DENND11: variants seen among roughly 807,000 people sequenced by gnomAD.
DENND11 encodes DENN domain-containing protein 11.
In DENND11, 34 loss-of-function variants were observed where a neutral mutation model predicts 49.2. The ratio of observed to expected loss-of-function variants is 0.69; its 90% CI spans 0.53 to 0.92. The LOEUF is 0.92. Among genes scored for constraint, DENND11 ranks in the 40% least tolerant of loss-of-function variants. The probability of loss-of-function intolerance (pLI) is 0.00; values close to 1 mark genes in which losing one functional copy is unlikely to be tolerated. For synonymous variants in DENND11, 238 were observed against 230.3 expected, an observed-to-expected ratio of 1.03 and a Z score of -0.30; for missense variants, 475 against 581.6, an observed-to-expected ratio of 0.82 and a Z score of 1.88.
intron 1 of DENND11, among the ~76,000 whole-genome samples, chr7:141,688,827 A>G (rs1285097960): frequency 6.6e-6 from 1 of 152,226 alleles, no homozygotes; most frequent in Non-Finnish European, 1.5e-5. Context: ...CTGCTGATGC[A>G]TGCCAGCAAT....
At chr7:141,676,467 A>G (rs1291937973) in intron 3 of DENND11, among the ~76,000 whole-genome samples, 1 of 152,248 alleles carries the variant, frequency 6.6e-6, no homozygotes, top group Non-Finnish European at 1.5e-5. Flanking sequence ...AAAGTTCAGT[A>G]CAAAAGTTAG....
chr7:141,665,381 G>A, intron 5 of DENND11, 63 bp from the exon 6 acceptor site: 1 of 1,596,394 alleles, frequency 6.3e-7, no homozygotes, highest in East Asian at 2.3e-5. Flanking sequence ...CTCCCTCGGA[G>A]CCTGCGGCTC....
At chr7:141,669,244 GTTTTT>G (rs36043478) in intron 4 of DENND11, among the ~76,000 whole-genome samples, 1 of 133,790 alleles carries the variant, frequency 7.5e-6, no homozygotes. Context: ...CTTCTTTAAA[GTTTTT>G]TTTTTTTTTT....
intron 3 of DENND11, among the ~76,000 whole-genome samples, chr7:141,675,643 C>T (rs1484191391): frequency 6.6e-6 from 1 of 152,196 alleles, no homozygotes; most frequent in Non-Finnish European, 1.5e-5. Flanking sequence ...TGGCTTACCC[C>T]AAACTATGAC....
At chr7:141,682,143 G>C (rs796540808) in intron 3 of DENND11, among the ~76,000 whole-genome samples, 3 of 152,198 alleles carry the variant, frequency 2.0e-5, no homozygotes, top group South Asian at 4.1e-4. Context: ...AGGGTAAGAA[G>C]AACCATGCCC....
intron 1 of DENND11, among the ~76,000 whole-genome samples, chr7:141,691,495 C>A (rs558203537): frequency 2.6e-5 from 4 of 152,350 alleles, no homozygotes; most frequent in Admixed American, 6.5e-5. Flanking sequence ...GGTTCTCAAA[C>A]CCTCTTCCTT....
In DENND11 at chr7:141,686,525, G is replaced by A. The variant is rs1379305252; in HGVS notation, c.368+34C>T. The A allele has an allele frequency of 3.7e-6, 5 of 1,350,828 alleles. No homozygotes were observed. In the East Asian group the frequency reaches 1.2e-4, roughly 31 times the overall value. 83.7% of individuals were successfully genotyped at this position (1,350,828 alleles called of 1,614,324 possible). ...GGGAAAGTGTGGAGGTGGGGGGAAT[G>A]GTACGAAGATGACTCCAGTTCAGAA... On this transcript the variant is annotated intron_variant, in intron 2 of 8. Coordinates refer to ENST00000536163, the MANE Select transcript of DENND11 (RefSeq NM_001080392.2).
intron 1 of DENND11, among the ~76,000 whole-genome samples, chr7:141,688,025 C>T (rs990887563): frequency 5.9e-5 from 9 of 152,170 alleles, no homozygotes; most frequent in Non-Finnish European, 8.8e-5. Context: ...AGGTGATCCA[C>T]CTGCCTCGGC....
chr7:141,693,393 G>A (rs1798356155), intron 1 of DENND11, among the ~76,000 whole-genome samples: 2 of 152,158 alleles, frequency 1.3e-5, no homozygotes, highest in South Asian at 4.1e-4. Context: ...CATTGCTGGT[G>A]GGAATATAAA....
chr7:141,683,950 C>T (rs978456698), intron 3 of DENND11, among the ~76,000 whole-genome samples: 4 of 152,092 alleles, frequency 2.6e-5, no homozygotes, highest in African/African-American at 9.7e-5. Flanking sequence ...ATTTTTTAAA[C>T]AGGGTCTTGC....
intron 3 of DENND11, among the ~76,000 whole-genome samples, chr7:141,680,960 C>A: frequency 6.6e-6 from 1 of 152,072 alleles, no homozygotes; most frequent in Admixed American, 6.5e-5. Context: ...AGCCTATACT[C>A]TAAAAGCCAA....
chr7:141,665,004 C>T lies in DENND11; in HGVS notation c.1003G>A (p.Val335Met), dbSNP rs1472419060. The change falls in exon 7 of 9, where the codon GTG (valine) becomes ATG (methionine). Residue 335 changes from valine (V) to methionine (M), a missense_variant. By Grantham distance (21) the Val-to-Met change is conservative (BLOSUM62 1). Coordinates refer to ENST00000536163, the MANE Select transcript of DENND11 (RefSeq NM_001080392.2). The part of the protein sequence containing the change: ...EEKRELYDVY[V>M]DNQNVKTHHD... ...TGTGTCTTCACATTCTGGTTATCCA[C>T]GTAGACGTCATACAGCTCCCGCTTC... 8 of 1,613,902 alleles carry T rather than the reference C, an allele frequency of 5.0e-6. No homozygotes were observed. Among genetic ancestry groups the T allele is most frequent in the East Asian group, 4.5e-5 (2 of 44,870 alleles).
intron 1 of DENND11, among the ~76,000 whole-genome samples, chr7:141,694,741 T>C (rs76658715): frequency 0.011 from 1,680 of 148,928 alleles, 23 homozygotes; most frequent in African/African-American, 0.036. Context: ...TTTGCTTATG[T>C]GTGATTTCAA....
intron 1 of DENND11, among the ~76,000 whole-genome samples, chr7:141,700,523 A>T (rs1053990113): frequency 6.6e-6 from 1 of 152,098 alleles, no homozygotes; most frequent in Admixed American, 6.5e-5. Flanking sequence ...TACATGTAGA[A>T]GGAGTCAGCA....
At chr7:141,663,889 C>G in intron 8 of DENND11, 2 of 406,380 alleles carry the variant, frequency 4.9e-6, no homozygotes, top group Non-Finnish European at 8.9e-6. Context: ...ACAGACAGAG[C>G]TTCCAGGCAG....
rs1401372285 is a variant in DENND11, at chr7:141,702,005, C to A, written c.149G>T (p.Arg50Leu). 6 of 1,124,436 alleles carry A rather than the reference C, an allele frequency of 5.3e-6. No individual in the cohort carries two copies. In the East Asian group the frequency reaches 2.7e-4, roughly 51 times the overall value. The allele number at this position is 1,124,436 out of a possible 1,614,324, so 69.7% of individuals were successfully genotyped here. Residue 50 changes from arginine to leucine, a missense_variant, in exon 1 of 9, where the codon CGG (arginine) becomes CTG (leucine). Transcript: ENST00000536163. The stretch of plus-strand genomic sequence containing the variant: ...CGGGGCGGCCGGCTCCTCGGGCTCC[C>A]GCCTCCGGGGCGGCTCCGCGGCCGG... The part of the protein sequence containing the change: ...ARPAAEPPRR[R>L]EPEEPAAPEV...
chr7:141,690,659 C>T (rs1015323133), intron 1 of DENND11, among the ~76,000 whole-genome samples: 6 of 152,168 alleles, frequency 3.9e-5, no homozygotes, highest in African/African-American at 7.2e-5. Flanking sequence ...AAAATGTTTG[C>T]GTCACTGCAA....
At chr7:141,668,873 T>A (rs1797934667) in intron 4 of DENND11, among the ~76,000 whole-genome samples, 1 of 152,262 alleles carries the variant, frequency 6.6e-6, no homozygotes, top group Admixed American at 6.5e-5. Flanking sequence ...CTCTGGCTTT[T>A]ACAGAGAAAT....
intron 3 of DENND11, among the ~76,000 whole-genome samples, chr7:141,675,548 A>G (rs966589318): frequency 6.6e-6 from 1 of 152,200 alleles, no homozygotes; most frequent in African/African-American, 2.4e-5. Context: ...CAAGGGAAAC[A>G]TCCCTAATTA....
Sources: allele counts gnomAD v4.1 joint callset (sites outside exome capture counted in the v4.1 genomes callset), GRCh38; gene constraint gnomAD v4.1.1; transcripts MANE v1.5; gene names NCBI Gene and HGNC (gene_info 2026-07-23, HGNC 2026-07-21).